The following ZDHHC6 variants were observed in gnomAD, a reference collection of about 807,000 sequenced individuals.
ZDHHC6 encodes palmitoyltransferase ZDHHC6.
Under a neutral mutation model 57.8 loss-of-function variants are expected in ZDHHC6, and 32 were observed. That is an observed-to-expected ratio of 0.55 (90% CI 0.42 to 0.74). The LOEUF is 0.74. ZDHHC6 is among the 30% of genes least tolerant of loss of function. The pLI, the probability that ZDHHC6 is intolerant of heterozygous loss-of-function variation, is 0.00. For missense variants in ZDHHC6, 433 were observed against 500.7 expected (o/e 0.86, Z 1.29); for synonymous variants, 128 against 158.0 (o/e 0.81, Z 1.42).
Position 112,443,510 on chromosome 10 carries a change from G to GTAC in ZDHHC6, c.359+4_359+5insGTA, listed in dbSNP as rs1226074535. 6.2e-7 allele frequency: 1 copy of GTAC among 1,613,318 alleles called. No individual in the cohort carries two copies. The highest frequency in any genetic ancestry group is 2.2e-5 in the East Asian group (1 of 44,844). On this transcript the variant is annotated splice_donor_region_variant and intron_variant, in intron 3 of 10. Transcript: ENST00000369405. ...TCCTCGCTGAACAGCAAGAAAGACA[G>GTAC]GTACCTGTTACACTTTCTGCAGTGA...
intron 10 of ZDHHC6, among the ~76,000 whole-genome samples, chr10:112,431,818 A>T (rs1354903014): frequency 6.6e-6 from 1 of 152,090 alleles, no homozygotes; most frequent in East Asian, 1.9e-4. Context: ...AGCAAATAGT[A>T]CAGGGGTTTG....
chr10:112,438,073 G>A (rs905235973), intron 6 of ZDHHC6, among the ~76,000 whole-genome samples: 7 of 152,328 alleles, frequency 4.6e-5, no homozygotes, highest in African/African-American at 1.2e-4. Flanking sequence ...ATGGTTTGAC[G>A]TGTGGCTTAG....
rs933442196 is a variant in ZDHHC6 at position 112,446,897 on chromosome 10, C to G, written c.-407G>C. ...TACAAGCCGAGCACCTCTCGGCCAGCGCCCTCGCCAGGACTCTCCCGCTCA... is the reference window on the plus strand; with the variant it reads ...TACAAGCCGAGCACCTCTCGGCCAGGGCCCTCGCCAGGACTCTCCCGCTCA... On this transcript the variant is annotated 5_prime_UTR_variant, in exon 1 of 11. Transcript: ENST00000369405. 5.3e-6 allele frequency: 1 copy of G among 189,850 alleles called. No homozygotes were observed. The highest frequency in any genetic ancestry group is 2.3e-5 in the African/African-American group (1 of 42,756). The allele number at this position is 189,850 out of a possible 1,614,324, so 11.8% of individuals were successfully genotyped here.
rs749392332 is a variant in ZDHHC6, at chr10:112,442,278, T to G, written c.433A>C (p.Thr145Pro). 20 of 1,613,912 alleles carry G rather than the reference T, an allele frequency of 1.2e-5. No individual in the cohort carries two copies. Among genetic ancestry groups the G allele is most frequent in the Non-Finnish European group, 1.7e-5 (20 of 1,179,970 alleles). Residue 145 changes from threonine to proline, a missense_variant, in exon 4 of 11, where the codon ACA becomes CCA. By Grantham distance (38) the Thr-to-Pro change is conservative. Transcript: ENST00000369405. The stretch of plus-strand genomic sequence containing the variant: ...AGTGGTGCTAAAAGGAGAAACAGTG[T>G]GAACGAAGCATGATTTTGGTAACCA... ...CCGYQNHASF[T>P]LFLLLAPLGC...
At chr10:112,443,698 G>A (rs1309123397) in intron 2 of ZDHHC6, 92 bp from the exon 3 acceptor site, 1 of 923,334 alleles carries the variant, frequency 1.1e-6, no homozygotes, top group South Asian at 1.7e-5. Flanking sequence ...GGGCGATAGG[G>A]GAAGGAGAGA....
At chr10:112,427,920 G>A (rs550926380), downstream of ZDHHC6, 104 of 152,990 alleles carry the variant, frequency 6.8e-4, no homozygotes, top group South Asian at 1.7e-3. Context: ...GCTCTTCTGC[G>A]TAAATTAAAT....
At chr10:112,433,523 T>A (rs1422726973) in intron 7 of ZDHHC6, 4 of 357,732 alleles carry the variant, frequency 1.1e-5, no homozygotes, top group Non-Finnish European at 2.0e-5. Context: ...CATCTGTGTA[T>A]ATTCCTAGAG....
At chr10:112,426,153 G>T, downstream of ZDHHC6, 2 of 869,910 alleles carry the variant, frequency 2.3e-6, no homozygotes, top group Non-Finnish European at 3.7e-6. Flanking sequence ...TAAGGTTTTG[G>T]GGAAATAACT....
In ZDHHC6 at chr10:112,440,607, A is replaced by C. The variant is rs771400610; in HGVS notation, c.608T>G (p.Phe203Cys). The C allele has an allele frequency of 1.2e-6, 2 of 1,613,972 alleles. No individual in the cohort carries two copies. Among genetic ancestry groups the C allele is most frequent in the African/African-American group, 1.3e-5 (1 of 74,924 alleles). Reference protein sequence around the residue: ...LPIVPFGLAAFATTLFALGLA... With the variant: ...LPIVPFGLAACATTLFALGLA... ...TCCCAAGGCAAACAAGGTGGTAGCA[A>C]ATGCAGCTAATCCAAATGGAACAAT... The change falls in exon 5 of 11, where the codon TTT becomes TGT. Residue 203 changes from phenylalanine (F) to cysteine (C), a missense_variant. By Grantham distance (205) the Phe-to-Cys change is radical. Coordinates refer to ENST00000369405, the MANE Select transcript of ZDHHC6 (RefSeq NM_022494.3).
downstream of ZDHHC6, among the ~76,000 whole-genome samples, chr10:112,426,042 T>G (rs1844682576): frequency 6.6e-6 from 1 of 152,176 alleles, no homozygotes; most frequent in Non-Finnish European, 1.5e-5. Context: ...GGATCAGATT[T>G]GAATGGAACA....
chr10:112,438,258 T>C, intron 6 of ZDHHC6, 78 bp downstream of exon 6: 1 of 1,019,488 alleles, frequency 9.8e-7, no homozygotes, highest in Non-Finnish European at 1.3e-6. Context: ...AATAACAGAC[T>C]TTATTAATAT....
Position 112,443,506 on chromosome 10 carries a change from G to T in ZDHHC6, c.359+9C>A. The T allele has an allele frequency of 6.2e-7, 1 of 1,612,444 alleles. No individual in the cohort carries two copies. Among genetic ancestry groups the T allele is most frequent in the Non-Finnish European group, 8.5e-7 (1 of 1,178,782 alleles). ...TCAGTCCTCGCTGAACAGCAAGAAA[G>T]ACAGGTACCTGTTACACTTTCTGCA... On this transcript the variant is annotated intron_variant, in intron 3 of 10. Coordinates refer to ENST00000369405, the MANE Select transcript of ZDHHC6 (RefSeq NM_022494.3).
chr10:112,425,637 T>C, downstream of ZDHHC6: 1 of 650,148 alleles, frequency 1.5e-6, no homozygotes, highest in East Asian at 3.3e-5. Flanking sequence ...AAACCTCAAA[T>C]AAGGCAATTT....
chr10:112,438,202 T>C, intron 6 of ZDHHC6, 134 bp downstream of exon 6: 1 of 565,058 alleles, frequency 1.8e-6, no homozygotes, highest in East Asian at 4.5e-5. Context: ...GGTAGCCATT[T>C]GGCAGCCATG....
downstream of ZDHHC6, chr10:112,428,332 T>G (rs1287877691): frequency 2.5e-6 from 1 of 397,592 alleles, no homozygotes; most frequent in Non-Finnish European, 4.4e-6. Flanking sequence ...CACATGTTGT[T>G]TCTACTTGTA....
chr10:112,433,151 G>T, intron 8 of ZDHHC6, 89 bp downstream of exon 8: 2 of 1,033,594 alleles, frequency 1.9e-6, no homozygotes, highest in Non-Finnish European at 2.7e-6. Flanking sequence ...GCCAACAATT[G>T]GTTTCTAGTC....
chr10:112,432,419 G>C lies in ZDHHC6; in HGVS notation c.1048C>G (p.Gln350Glu). ...TSPCTEEPRI[Q>E]LQKGEFILAT... Reference sequence around the variant, plus strand: ...AAAATGAATTCCCCTTTTTGCAGCTGTATTCGAGGCTCTTCGGTGCAGGGA... The same window carrying C: ...AAAATGAATTCCCCTTTTTGCAGCTCTATTCGAGGCTCTTCGGTGCAGGGA... Residue 350 changes from glutamine to glutamate, a missense_variant, in exon 9 of 11, where the codon CAG becomes GAG. By Grantham distance (29) the Gln-to-Glu change is conservative. Transcript: ENST00000369405. 6.2e-7 allele frequency: 1 copy of C among 1,614,096 alleles called. No homozygotes were observed. The highest frequency in any genetic ancestry group is 8.5e-7 in the Non-Finnish European group (1 of 1,179,990).
chr10:112,424,552 AC>A (rs1844597209), exon 12 of ZDHHC6: 1 of 152,250 alleles, frequency 6.6e-6, no homozygotes, highest in African/African-American at 2.4e-5. Context: ...ATGTCCCCAC[AC>A]CAGGGTTATA....
upstream of ZDHHC6, chr10:112,447,518 G>A (rs539470602): frequency 1.9e-5 from 31 of 1,592,710 alleles, no homozygotes; most frequent in South Asian, 7.8e-5. Context: ...CTGGGAGGGT[G>A]CGGGCGGTGG....
Sources: allele counts gnomAD v4.1 joint callset (sites outside exome capture counted in the v4.1 genomes callset), GRCh38; gene constraint gnomAD v4.1.1; transcripts MANE v1.5; gene names NCBI Gene and HGNC (gene_info 2026-07-23, HGNC 2026-07-21).